ADGRG3: variants seen among roughly 807,000 people sequenced by gnomAD.
ADGRG3 encodes the protein G protein-coupled receptor 97.
Under a neutral mutation model 54.3 loss-of-function variants are expected in ADGRG3, and 39 were observed. The ratio of observed to expected loss-of-function variants is 0.72; its 90% confidence interval spans 0.56 to 0.94. The LOEUF (loss-of-function observed/expected upper bound fraction) is 0.94, where lower values mean the gene tolerates loss of function less well. Ranked by LOEUF, ADGRG3 falls within the 40% of genes least tolerant of loss-of-function variation. The probability of loss-of-function intolerance (pLI) is 0.00; values close to 1 mark genes in which losing one functional copy is unlikely to be tolerated. For synonymous variants in ADGRG3, 312 were observed against 290.0 expected (o/e 1.08, Z -0.77); for missense variants, 654 against 694.6 (o/e 0.94, Z 0.66).
Position 57,688,587 on chromosome 16 carries a change from G to C in ADGRG3, c.*126G>C. Reference sequence around the variant, plus strand: ...AATGTGGCTGGGGAGGGAGAGGATGGGACCAGGTTGGACCACGTGGCATCA... The same window carrying C: ...AATGTGGCTGGGGAGGGAGAGGATGCGACCAGGTTGGACCACGTGGCATCA... On this transcript the variant is annotated 3_prime_UTR_variant, in exon 12 of 12. Transcript: ENST00000333493. 1.5e-6 allele frequency: 1 copy of C among 680,322 alleles called. No individual in the cohort carries two copies. Among genetic ancestry groups the C allele is most frequent in the Non-Finnish European group, 2.7e-6 (1 of 373,126 alleles). 42.1% of individuals were successfully genotyped at this position (680,322 alleles called of 1,614,324 possible). A position where few individuals can be genotyped will look rare whatever the true frequency, so the allele number is the denominator to read the frequency against.
intron 1 of ADGRG3, among the ~76,000 whole-genome samples, chr16:57,671,127 A>T (rs183868146): frequency 9.5e-4 from 145 of 152,260 alleles, no homozygotes; most frequent in African/African-American, 3.4e-3. Context: ...AGATGCTCAA[A>T]CTCCTTAAAT....
intron 1 of ADGRG3, among the ~76,000 whole-genome samples, chr16:57,671,595 A>G (rs970870597): frequency 2.0e-5 from 3 of 152,120 alleles, no homozygotes; most frequent in Non-Finnish European, 2.9e-5. Context: ...TCGGCCTCCC[A>G]AAGTGCTGGG....
intron 2 of ADGRG3, among the ~76,000 whole-genome samples, chr16:57,675,384 G>C (rs753384886): frequency 6.6e-6 from 1 of 152,150 alleles, no homozygotes. Context: ...CAGCACTTTG[G>C]GAAGCCGAGG....
At position 57,673,476 on chromosome 16, in the gene ADGRG3, G is replaced by A; in HGVS notation, c.206+8G>A. ...TGTGGAAAACTTGCAGAGGTGAGGG[G>A]GCCCCCTGAGCTGGAGGGGGAATCT... On this transcript the variant is annotated splice_region_variant and intron_variant, in intron 2 of 11. Transcript: ENST00000333493. 6.3e-7 allele frequency: 1 copy of A among 1,594,548 alleles called. No individual in the cohort carries two copies. The highest frequency in any genetic ancestry group is 8.6e-7 in the Non-Finnish European group (1 of 1,163,934).
At chr16:57,679,998 C>A in intron 6 of ADGRG3, 143 bp downstream of exon 6, 1 of 526,048 alleles carries the variant, frequency 1.9e-6, no homozygotes, top group Non-Finnish European at 3.4e-6. Flanking sequence ...CCCTGCATCC[C>A]CTCCCTTCCC....
chr16:57,681,392 G>T (rs1341771231), intron 8 of ADGRG3, among the ~76,000 whole-genome samples: 1 of 151,724 alleles, frequency 6.6e-6, no homozygotes. Context: ...GTGCGTGCGC[G>T]CAGGACATAT....
rs1214240688 is a variant in ADGRG3 at position 57,684,162 on chromosome 16, T to C, written c.1112T>C (p.Phe371Ser). ...FHLYLLAVRVFNTYFGHYFLK... is the reference protein window; with the variant it reads ...FHLYLLAVRVSNTYFGHYFLK... ...CTCTACCTGCTCGCTGTCAGGGTCT[T>C]CAACACCTACTTCGGGCACTACTTC... The change falls in exon 9 of 12, where the codon TTC becomes TCC. Residue 371 changes from phenylalanine to serine, a missense_variant. Physicochemically the swap from Phe to Ser is radical, Grantham distance 155. Transcript: ENST00000333493. 2.5e-6 allele frequency: 4 copies of C among 1,613,980 alleles called. No individual in the cohort carries two copies. In the East Asian group the frequency reaches 6.7e-5, roughly 27 times the overall value.
chr16:57,678,076 C>G, intron 3 of ADGRG3, 94 bp from the exon 4 acceptor site: 2 of 1,502,302 alleles, frequency 1.3e-6, no homozygotes, highest in South Asian at 2.5e-5. Flanking sequence ...CTGCCCCCTA[C>G]CCAGTGTGCC....
At chr16:57,686,731 A>G (rs1220885562) in intron 11 of ADGRG3, 2 of 152,236 alleles carry the variant, frequency 1.3e-5, no homozygotes, top group Non-Finnish European at 2.9e-5. Context: ...TTGGGTGTCC[A>G]TCGTCCATCT....
Position 57,680,635 on chromosome 16 carries a change from C to A in ADGRG3, c.881+18C>A, listed in dbSNP as rs1448755521. 6.6e-7 allele frequency: 1 copy of A among 1,522,658 alleles called. No individual in the cohort carries two copies. The highest frequency in any genetic ancestry group is 1.4e-5 in the African/African-American group (1 of 73,170). The allele number at this position is 1,522,658 out of a possible 1,614,324, so 94.3% of individuals were successfully genotyped here. On this transcript the variant is annotated intron_variant, in intron 8 of 11. Transcript: ENST00000333493. Reference sequence around the variant, plus strand: ...TTTCTGAGGTGAGTGATCCCCACCTCCCCACCATGTCTCCCTCCCGCCCTC... The same window carrying A: ...TTTCTGAGGTGAGTGATCCCCACCTACCCACCATGTCTCCCTCCCGCCCTC...
upstream of ADGRG3, chr16:57,668,149 G>A: frequency 1.7e-6 from 1 of 589,768 alleles, no homozygotes; most frequent in Non-Finnish European, 3.0e-6. Flanking sequence ...GGTGCGGTGA[G>A]ACTGGGAGCA....
chr16:57,673,499 T>C lies in ADGRG3; in HGVS notation c.206+31T>C, dbSNP rs1376248342. The stretch of plus-strand genomic sequence containing the variant: ...GGGGCCCCCTGAGCTGGAGGGGGAA[T>C]CTGAAGCTGCTGGGAGGAGGACTAT... On this transcript the variant is annotated intron_variant, in intron 2 of 11. Transcript: ENST00000333493. 17 of 1,581,648 alleles carry C rather than the reference T, an allele frequency of 1.1e-5. No individual in the cohort carries two copies. In the Middle Eastern group the frequency reaches 2.2e-3, roughly 203 times the overall value.
intron 2 of ADGRG3, among the ~76,000 whole-genome samples, chr16:57,675,196 C>T (rs1423594243): frequency 6.6e-6 from 1 of 151,856 alleles, no homozygotes; most frequent in African/African-American, 2.4e-5. Context: ...AATACAGGGG[C>T]CAGGCACTGT....
At chr16:57,667,023 A>G (rs1333821939), upstream of ADGRG3, among the ~76,000 whole-genome samples, 1 of 152,204 alleles carries the variant, frequency 6.6e-6, no homozygotes, top group Non-Finnish European at 1.5e-5. Context: ...CCAGCCATTC[A>G]TCTGCCTTCG....
rs551349446 is a variant in ADGRG3 at position 57,683,129 on chromosome 16, A to G, written c.882-803A>G. ...AGGTGGGAGGAGCTGGGGAGCAGGGAAAGGCATTGAGAACAGTGGGAAGAG... is the reference window on the plus strand; with the variant it reads ...AGGTGGGAGGAGCTGGGGAGCAGGGGAAGGCATTGAGAACAGTGGGAAGAG... On this transcript the variant is annotated intron_variant, in intron 8 of 11. Coordinates refer to ENST00000333493, the MANE Select transcript of ADGRG3 (RefSeq NM_170776.5). Among the ~76,000 whole-genome samples the G allele has an allele frequency of 4.3e-4, 66 of 152,346 alleles. No individual in the cohort carries two copies. In the South Asian group the frequency reaches 4.3e-3, roughly 10 times the overall value.
chr16:57,667,239 G>C (rs534208570), upstream of ADGRG3, among the ~76,000 whole-genome samples: 27 of 152,258 alleles, frequency 1.8e-4, no homozygotes, highest in Non-Finnish European at 2.9e-4. Flanking sequence ...CGGCTCCCCA[G>C]TTCAATCCCA....
chr16:57,685,255 G>A (rs1250146282), intron 10 of ADGRG3, among the ~76,000 whole-genome samples: 2 of 152,216 alleles, frequency 1.3e-5, no homozygotes, highest in Admixed American at 1.3e-4. Context: ...GACTGCAGCG[G>A]ACTGGCAGTC....
chr16:57,670,851 T>A (rs1309587444), intron 1 of ADGRG3, among the ~76,000 whole-genome samples: 1 of 152,136 alleles, frequency 6.6e-6, no homozygotes, highest in African/African-American at 2.4e-5. Flanking sequence ...AACAGTTTTT[T>A]AAAAAATGTG....
chr16:57,689,265 A>G lies in ADGRG3; in HGVS notation c.*804A>G, dbSNP rs558122940. The G allele has an allele frequency of 1.2e-3, 184 of 154,778 alleles. No individual in the cohort carries two copies. Among genetic ancestry groups the G allele is most frequent in the Non-Finnish European group, 2.3e-3 (158 of 69,584 alleles). 9.6% of individuals were successfully genotyped at this position (154,778 alleles called of 1,614,324 possible). On this transcript the variant is annotated 3_prime_UTR_variant, in exon 12 of 12. Coordinates refer to ENST00000333493, the MANE Select transcript of ADGRG3 (RefSeq NM_170776.5). ...TGAGCAGAGGCTGGGCATTGCCACTAGGACCTGAGCTCCTAGAGAACAAGG... is the reference window on the plus strand; with the variant it reads ...TGAGCAGAGGCTGGGCATTGCCACTGGGACCTGAGCTCCTAGAGAACAAGG...
Sources: gnomAD v4.1 joint callset for allele counts (sites outside exome capture counted in the v4.1 genomes callset) on GRCh38, gnomAD v4.1.1 for gene constraint, MANE v1.5 for transcripts, NCBI Gene and HGNC (gene_info 2026-07-23, HGNC 2026-07-21) for gene names.